The following ABCB7 variants were observed in gnomAD, a reference collection of about 807,000 sequenced individuals.
ABCB7 encodes iron-sulfur clusters transporter ABCB7, mitochondrial.
ABCB7 carries 7 observed loss-of-function variants against 54.4 expected under a neutral mutation model. The observed-to-expected ratio is 0.13, with a 90% CI of 0.07 to 0.24. The LOEUF (loss-of-function observed/expected upper bound fraction) is 0.24. ABCB7 is among the 10% of genes least tolerant of loss of function. The pLI is 1.00. For missense variants in ABCB7, 356 were observed against 570.4 expected (o/e 0.62, Z 3.83); for synonymous variants, 218 against 207.1 (o/e 1.05, Z -0.45).
rs1042767721 is a variant in ABCB7 at position 75,052,417 on chromosome X, A to C, written c.*953T>G. Reference sequence around the variant, plus strand: ...AGGAGGCGGAGCTTGCAGTGAGCCGAGATCGCGCCACTGCACTCCAGCCTG... The same window carrying C: ...AGGAGGCGGAGCTTGCAGTGAGCCGCGATCGCGCCACTGCACTCCAGCCTG... On this transcript the variant is annotated 3_prime_UTR_variant, in exon 16 of 16. Transcript: ENST00000373394. 5 of 106,082 alleles carry C rather than the reference A, an allele frequency of 4.7e-5. No individual in the cohort carries two copies. Among genetic ancestry groups the C allele is most frequent in the African/African-American group, 1.8e-4 (5 of 28,529 alleles). 8.7% of individuals were successfully genotyped at this position (106,082 alleles called of 1,213,427 possible). A position where few individuals can be genotyped will look rare whatever the true frequency, so the allele number is the denominator to read the frequency against.
At chrX:75,055,705 A>T (rs1050177116) in intron 15 of ABCB7, among the ~76,000 whole-genome samples, 6 of 110,742 alleles carry the variant, frequency 5.4e-5, no homozygotes, top group Non-Finnish European at 9.4e-5. Context: ...TCTAGGATCC[A>T]ATCAGGATCA....
chrX:75,073,852 C>A lies in ABCB7; in HGVS notation c.944+16G>T. ...ACAATTTCTAAATTTTATGTGGCTT[C>A]TAGGGAATAAATTACCTCCACCGTG... On this transcript the variant is annotated intron_variant, in intron 7 of 15. Coordinates refer to ENST00000373394, the MANE Select transcript of ABCB7 (RefSeq NM_001271696.3). The A allele has an allele frequency of 3.3e-6, 4 of 1,199,926 alleles. No individual in the cohort carries two copies. The highest frequency in any genetic ancestry group is 4.5e-6 in the Non-Finnish European group (4 of 884,836).
intron 1 of ABCB7, among the ~76,000 whole-genome samples, chrX:75,135,284 T>C (rs1398924453): frequency 3.6e-5 from 4 of 110,673 alleles, no homozygotes; most frequent in African/African-American, 6.6e-5. Context: ...CAGTAAGTAA[T>C]TGAAGCCCTA....
chrX:75,155,183 C>G (rs2082164338), intron 1 of ABCB7, among the ~76,000 whole-genome samples: 1 of 113,075 alleles, frequency 8.8e-6, no homozygotes, highest in African/African-American at 3.2e-5. Context: ...GTATGTCTCT[C>G]TTAGTACCCT....
At chrX:75,053,676 G>T (rs1017380220) in intron 15 of ABCB7, 91 bp from the exon 16 acceptor site, 4 of 1,126,042 alleles carry the variant, frequency 3.6e-6, no homozygotes, top group South Asian at 4.0e-5. Context: ...TAAGGAGTTT[G>T]AAGGATTTGC....
chrX:75,123,529 G>A (rs1213044402), intron 1 of ABCB7, among the ~76,000 whole-genome samples: 1 of 111,786 alleles, frequency 8.9e-6, no homozygotes, highest in African/African-American at 3.3e-5. Flanking sequence ...CCATGTTAAT[G>A]TTATGACTTT....
chrX:75,072,791 C>G (rs1462442996), intron 8 of ABCB7, among the ~76,000 whole-genome samples: 1 of 111,470 alleles, frequency 9.0e-6, no homozygotes, highest in Non-Finnish European at 1.9e-5. Flanking sequence ...CTTACTGTAA[C>G]TTTTTTACTT....
intron 15 of ABCB7, among the ~76,000 whole-genome samples, chrX:75,059,439 C>T: frequency 9.3e-6 from 1 of 108,068 alleles, no homozygotes; most frequent in Non-Finnish European, 1.9e-5. Context: ...CCACTGTACT[C>T]CTGGGTGACA....
At chrX:75,101,556 T>C (rs1033135549) in intron 3 of ABCB7, among the ~76,000 whole-genome samples, 2 of 111,408 alleles carry the variant, frequency 1.8e-5, no homozygotes, top group Non-Finnish European at 3.8e-5. Flanking sequence ...CACATATGCA[T>C]GCTCTTATAA....
chrX:75,097,435 T>A (rs1263808901), intron 4 of ABCB7: 2 of 112,016 alleles, frequency 1.8e-5, no homozygotes, highest in Non-Finnish European at 3.8e-5. Context: ...CTGGCACTTC[T>A]TTAAATCATT....
chrX:75,094,019 C>CAT (rs199523853), intron 4 of ABCB7, among the ~76,000 whole-genome samples: 1,459 of 45,750 alleles, frequency 0.032, 72 homozygotes, highest in African/African-American at 0.11. Flanking sequence ...CTGTTATATA[C>CAT]ATATATATAT....
At chrX:75,069,588 TCCAAGC>T in intron 10 of ABCB7, 134 bp from the exon 11 acceptor site, 2 of 632,331 alleles carry the variant, frequency 3.2e-6, no homozygotes, top group Non-Finnish European at 4.8e-6. Context: ...TTAGACCACT[TCCAAGC>T]ATGCATTTAA....
At chrX:75,121,496 T>G (rs1248243740) in intron 1 of ABCB7, among the ~76,000 whole-genome samples, 1 of 111,278 alleles carries the variant, frequency 9.0e-6, no homozygotes, top group Non-Finnish European at 1.9e-5. Flanking sequence ...TTTAGAGTGT[T>G]TTCTGCAATT....
At chrX:75,088,623 A>T (rs1013478718) in intron 4 of ABCB7, among the ~76,000 whole-genome samples, 1 of 111,614 alleles carries the variant, frequency 9.0e-6, no homozygotes, top group Admixed American at 9.5e-5. Context: ...TGAAAGAACA[A>T]AATGAATTTA....
intron 1 of ABCB7, among the ~76,000 whole-genome samples, chrX:75,120,373 G>A (rs1171333555): frequency 9.0e-6 from 1 of 111,429 alleles, no homozygotes; most frequent in African/African-American, 3.3e-5. Context: ...CACTTTGGGG[G>A]GTCAAGGTGG....
intron 1 of ABCB7, among the ~76,000 whole-genome samples, chrX:75,136,487 A>G (rs550466948): frequency 6.2e-5 from 7 of 112,013 alleles, no homozygotes; most frequent in African/African-American, 2.3e-4. Flanking sequence ...TCTGAAAAAA[A>G]CATTCTAAAA....
chrX:75,105,438 A>C (rs778322335), intron 3 of ABCB7, among the ~76,000 whole-genome samples: 1 of 111,491 alleles, frequency 9.0e-6, no homozygotes, highest in East Asian at 2.8e-4. Flanking sequence ...TAAAATATCT[A>C]GAAATACATT....
chrX:75,093,714 A>G (rs188431934), intron 4 of ABCB7, among the ~76,000 whole-genome samples: 1,908 of 108,224 alleles, frequency 0.018, 47 homozygotes, highest in African/African-American at 0.061. Flanking sequence ...CTTTGTACTT[A>G]TTGTTCAATT....
At chrX:75,056,409 T>C (rs1382242163) in intron 15 of ABCB7, among the ~76,000 whole-genome samples, 5 of 112,047 alleles carry the variant, frequency 4.5e-5, no homozygotes, top group Admixed American at 3.8e-4. Flanking sequence ...TGCTTAGATG[T>C]TTTTTATTTA....
Sources: gnomAD v4.1 joint callset for allele counts (sites outside exome capture counted in the v4.1 genomes callset) on GRCh38, gnomAD v4.1.1 for gene constraint, MANE v1.5 for transcripts, NCBI Gene and HGNC (gene_info 2026-07-23, HGNC 2026-07-21) for gene names.